METAP1D: variants seen among roughly 807,000 people sequenced by gnomAD.
The protein encoded by METAP1D is methionyl aminopeptidase type 1D, mitochondrial.
Under a neutral mutation model 40.5 loss-of-function variants are expected in METAP1D, and 31 were observed. The ratio of observed to expected loss-of-function variants is 0.77; its 90% confidence interval spans 0.58 to 1.03. The LOEUF (loss-of-function observed/expected upper bound fraction) is 1.03, where lower values mean the gene tolerates loss of function less well. Among genes scored for constraint, METAP1D ranks in the 50% least tolerant of loss-of-function variants. METAP1D has a pLI of 0.00. For missense variants in METAP1D, 411 were observed against 420.7 expected, an observed-to-expected ratio of 0.98 and a Z score of 0.20; for synonymous variants, 151 against 146.4, an observed-to-expected ratio of 1.03 and a Z score of -0.22.
chr2:172,020,054 G>A (rs1015454269), intron 1 of METAP1D, among the ~76,000 whole-genome samples: 11 of 152,194 alleles, frequency 7.2e-5, no homozygotes, highest in African/African-American at 2.6e-4. Context: ...GTGCAGTGGC[G>A]CAATCTTGGC....
Position 172,043,102 on chromosome 2 carries a change from TATATATATATATATA to T in METAP1D, c.41-18395_41-18381del. Among the ~76,000 whole-genome samples the T allele has an allele frequency of 4.0e-5, 2 of 50,284 alleles. 1 individual carries two copies. Among genetic ancestry groups the T allele is most frequent in the East Asian group, 4.1e-3 (2 of 482 alleles). The allele number at this position is 50,284 out of a possible 152,430, so 33.0% of individuals were successfully genotyped here. A position where few individuals can be genotyped will look rare whatever the true frequency, so the allele number is the denominator to read the frequency against. ...GTGTACATATATTTACATACATATA[TATATATATATATATA>T]TTTTTTGGGATACAGGATCTCACTT... is the stretch of plus-strand genomic sequence containing the variant. On this transcript the variant is annotated intron_variant, in intron 1 of 9. Transcript: ENST00000315796.
At chr2:172,079,411 T>C (rs1458312966) in intron 8 of METAP1D, 149 bp downstream of exon 8, 1 of 738,932 alleles carries the variant, frequency 1.4e-6, no homozygotes, top group Non-Finnish European at 2.3e-6. Flanking sequence ...TTAAATAATA[T>C]CCTCAAGCCC....
intron 1 of METAP1D, among the ~76,000 whole-genome samples, chr2:172,044,675 G>C (rs542146870): frequency 1.5e-5 from 2 of 135,326 alleles, no homozygotes; most frequent in South Asian, 4.7e-4. Context: ...GGGAAGCCGA[G>C]GAGGGTGGAT....
intron 1 of METAP1D, among the ~76,000 whole-genome samples, chr2:172,045,692 CATAT>C (rs199604213): frequency 4.5e-5 from 3 of 66,482 alleles, no homozygotes; most frequent in East Asian, 9.6e-4. Context: ...AAGGATCATT[CATAT>C]ATATGTGTGT....
At chr2:172,004,107 A>G (rs1688527346) in intron 1 of METAP1D, among the ~76,000 whole-genome samples, 4 of 152,130 alleles carry the variant, frequency 2.6e-5, no homozygotes, top group African/African-American at 9.7e-5. Context: ...AAAACTTAGA[A>G]GTACTTTTGT....
chr2:172,024,598 A>G (rs1000361795), intron 1 of METAP1D, among the ~76,000 whole-genome samples: 3 of 152,114 alleles, frequency 2.0e-5, no homozygotes, highest in Non-Finnish European at 4.4e-5. Flanking sequence ...ACCCCCCGCT[A>G]TATACCTTAT....
chr2:172,043,641 A>G (rs1462634953), intron 1 of METAP1D, among the ~76,000 whole-genome samples: 1 of 135,240 alleles, frequency 7.4e-6, no homozygotes, highest in African/African-American at 2.5e-5. Flanking sequence ...TAAAAATTTC[A>G]TTTATTGTAG....
At chr2:172,037,862 G>A (rs369927178) in intron 1 of METAP1D, among the ~76,000 whole-genome samples, 6 of 152,320 alleles carry the variant, frequency 3.9e-5, no homozygotes, top group African/African-American at 1.4e-4. Context: ...AAGCAGGGTT[G>A]CTTGAACTTC....
intron 1 of METAP1D, among the ~76,000 whole-genome samples, chr2:172,056,292 T>TA (rs1017389797): frequency 6.6e-6 from 1 of 152,202 alleles, no homozygotes; most frequent in Non-Finnish European, 1.5e-5. Flanking sequence ...CAGGGTAATG[T>TA]CTTTGAAGTA....
At chr2:172,035,461 G>T (rs531551984) in intron 1 of METAP1D, among the ~76,000 whole-genome samples, 1 of 152,020 alleles carries the variant, frequency 6.6e-6, no homozygotes, top group Admixed American at 6.6e-5. Context: ...ACCACCCCCG[G>T]CCTACTGTAC....
intron 1 of METAP1D, among the ~76,000 whole-genome samples, chr2:172,000,694 A>G (rs1688440571): frequency 6.6e-6 from 1 of 152,218 alleles, no homozygotes; most frequent in Admixed American, 6.5e-5. Flanking sequence ...TCAGGCATGT[A>G]GGAACAGTTT....
intron 5 of METAP1D, 67 bp from the exon 6 acceptor site, chr2:172,070,840 C>A: frequency 1.5e-6 from 2 of 1,299,894 alleles, no homozygotes; most frequent in African/African-American, 1.5e-5. Context: ...TAAATGAATA[C>A]AATGTATACT....
In METAP1D at chr2:172,041,724, TTTTATA is replaced by T. The variant is rs1174567127; in HGVS notation, c.41-19772_41-19767del. On this transcript the variant is annotated intron_variant, in intron 1 of 9. Transcript: ENST00000315796. ...CGTTTTAATTTCCTTACTCTAATTA[TTTTATA>T]TATATATATATATATATATATATAT... Among the ~76,000 whole-genome samples the T allele has an allele frequency of 7.9e-5, 2 of 25,420 alleles. 1 individual carries two copies. The highest frequency in any genetic ancestry group is 1.9e-4 in the Non-Finnish European group (2 of 10,374). 16.7% of individuals were successfully genotyped at this position (25,420 alleles called of 152,430 possible).
intron 6 of METAP1D, 60 bp downstream of exon 6, chr2:172,071,130 G>T (rs1199894124): frequency 1.4e-6 from 2 of 1,415,810 alleles, no homozygotes; most frequent in Admixed American, 2.6e-5. Flanking sequence ...GTTATTGGTG[G>T]CTTGGTATAA....
At chr2:172,039,879 G>A (rs1049214980) in intron 1 of METAP1D, among the ~76,000 whole-genome samples, 1 of 152,222 alleles carries the variant, frequency 6.6e-6, no homozygotes, top group East Asian at 1.9e-4. Context: ...ATTTCGCCAT[G>A]TTGGCCAGGC....
intron 5 of METAP1D, among the ~76,000 whole-genome samples, chr2:172,070,008 G>A (rs1690385767): frequency 6.6e-6 from 1 of 152,150 alleles, no homozygotes; most frequent in Non-Finnish European, 1.5e-5. Context: ...ATGAGCAAGA[G>A]AAATGTGAAA....
chr2:172,034,657 C>T (rs560626513), intron 1 of METAP1D, among the ~76,000 whole-genome samples: 1 of 152,208 alleles, frequency 6.6e-6, no homozygotes, highest in East Asian at 1.9e-4. Context: ...GTATGGCTGT[C>T]TACATAGATT....
At chr2:172,004,266 T>C (rs1156540452) in intron 1 of METAP1D, among the ~76,000 whole-genome samples, 4 of 152,130 alleles carry the variant, frequency 2.6e-5, no homozygotes, top group Non-Finnish European at 4.4e-5. Context: ...CTGAGATCCT[T>C]GCTATCTTGT....
At chr2:172,075,559 T>C (rs1448025081) in intron 6 of METAP1D, among the ~76,000 whole-genome samples, 1 of 152,128 alleles carries the variant, frequency 6.6e-6, no homozygotes, top group Non-Finnish European at 1.5e-5. Flanking sequence ...AGGAGTGAAA[T>C]TTGCTACTAC....
Sources: gnomAD v4.1 joint callset for allele counts (sites outside exome capture counted in the v4.1 genomes callset) on GRCh38, gnomAD v4.1.1 for gene constraint, MANE v1.5 for transcripts, NCBI Gene and HGNC (gene_info 2026-07-23, HGNC 2026-07-21) for gene names.